Variants in CNR2 observed in about 807,000 individuals in gnomAD.
CNR2 encodes the protein cannabinoid receptor 2 (macrophage).
For synonymous variants in CNR2, 172 were observed against 182.2 expected (o/e 0.94, Z 0.45); for missense variants, 379 against 439.9 (o/e 0.86, Z 1.24).
intron 1 of CNR2, among the ~76,000 whole-genome samples, chr1:23,884,716 C>A (rs76135131): frequency 0.12 from 18,001 of 152,194 alleles, 1,363 homozygotes; most frequent in East Asian, 0.33. Flanking sequence ...GGCCACACGG[C>A]TGGTCGAGGT....
intron 1 of CNR2, among the ~76,000 whole-genome samples, chr1:23,904,477 C>T (rs1417249609): frequency 6.6e-6 from 1 of 152,102 alleles, no homozygotes. Flanking sequence ...CCTAGCTAAT[C>T]TTCATTTTTA....
chr1:23,885,119 G>C (rs1195750819), intron 1 of CNR2, among the ~76,000 whole-genome samples: 1 of 152,038 alleles, frequency 6.6e-6, no homozygotes, highest in Admixed American at 6.6e-5. Flanking sequence ...ATTAACTGAG[G>C]CTGGGTACAG....
intron 1 of CNR2, among the ~76,000 whole-genome samples, chr1:23,906,950 T>C (rs568881255): frequency 4.0e-5 from 6 of 151,690 alleles, no homozygotes; most frequent in Non-Finnish European, 8.8e-5. Flanking sequence ...TCTCTGTATA[T>C]GCCTTGCAGG....
At chr1:23,902,183 C>A (rs1466147934) in intron 1 of CNR2, 7 of 1,380,644 alleles carry the variant, frequency 5.1e-6, no homozygotes, top group Non-Finnish European at 7.2e-6. Flanking sequence ...CAGTTCAGGA[C>A]GGCCTTGAAG....
chr1:23,913,042 C>T (rs2501416), intron 1 of CNR2, among the ~76,000 whole-genome samples: 141,456 of 152,128 alleles, frequency 0.93, 66,581 homozygotes, highest in East Asian at 1. Context: ...TAGTGCACAC[C>T]TGTAATCCCA....
intron 1 of CNR2, among the ~76,000 whole-genome samples, chr1:23,883,396 TTC>T (rs1640027057): frequency 6.6e-6 from 1 of 152,210 alleles, no homozygotes; most frequent in South Asian, 2.1e-4. Context: ...TACAAGAATG[TTC>T]TCTTTGGCAT....
chr1:23,894,815 G>A lies in CNR2; in HGVS notation c.-46+18431C>T, dbSNP rs372450629. Among the ~76,000 whole-genome samples, 46 of 151,932 alleles carry A rather than the reference G, an allele frequency of 3.0e-4. No individual in the cohort carries two copies. The East Asian group carries it at 4.3e-3, about 14-fold the overall frequency. ...AAAAAGAAACTTGCTGGGGACATTGGGAATCCACTCTCTTGTCCATTTATT... is the reference window on the plus strand; with the variant it reads ...AAAAAGAAACTTGCTGGGGACATTGAGAATCCACTCTCTTGTCCATTTATT... On this transcript the variant is annotated intron_variant, in intron 1 of 1. Transcript: ENST00000374472.
intron 1 of CNR2, among the ~76,000 whole-genome samples, chr1:23,897,485 T>TTG (rs1640303901): frequency 6.6e-6 from 1 of 151,768 alleles, no homozygotes; most frequent in Non-Finnish European, 1.5e-5. Context: ...AATAGAATTT[T>TTG]TTTTTTTGAG....
At chr1:23,897,543 C>T (rs549478152) in intron 1 of CNR2, among the ~76,000 whole-genome samples, 5 of 150,894 alleles carry the variant, frequency 3.3e-5, no homozygotes, top group South Asian at 4.2e-4. Context: ...GGTGCGATCT[C>T]GGTTCAATGC....
intron 1 of CNR2, among the ~76,000 whole-genome samples, chr1:23,890,061 G>C (rs576224034): frequency 1.3e-5 from 2 of 151,774 alleles, no homozygotes; most frequent in Non-Finnish European, 2.9e-5. Context: ...TTTGAGCCCA[G>C]GAATAGCCTG....
chr1:23,902,847 C>G (rs942408842), intron 1 of CNR2: 1 of 1,225,486 alleles, frequency 8.2e-7, no homozygotes, highest in African/African-American at 1.6e-5. Context: ...CTGCCCACGG[C>G]GGCGCCGGCG....
chr1:23,875,567 C>T lies in CNR2; in HGVS notation c.51G>A (p.Leu17=), dbSNP rs201490624. 2 of 1,612,994 alleles carry T rather than the reference C, an allele frequency of 1.2e-6. No individual in the cohort carries two copies. The highest frequency in any genetic ancestry group is 1.7e-6 in the Non-Finnish European group (2 of 1,179,266). ...TEIANGSKDG[L]DSNPMKDYMI... is the part of the protein sequence containing the mutation. Reference sequence around the variant, plus strand: ...TGTAATCCTTCATAGGGTTGGAATCCAAGCCATCCTTGGAGCCATTGGCTA... The same window carrying T: ...TGTAATCCTTCATAGGGTTGGAATCTAAGCCATCCTTGGAGCCATTGGCTA... Residue 17 remains leucine, a synonymous_variant, in exon 2 of 2, where the codon TTG becomes TTA. Coordinates refer to ENST00000374472, the MANE Select transcript of CNR2 (RefSeq NM_001841.3).
intron 1 of CNR2, chr1:23,902,059 A>G (rs1490064543): frequency 6.9e-5 from 107 of 1,559,756 alleles, no homozygotes; most frequent in Non-Finnish European, 8.9e-5. Flanking sequence ...GCCGTTGGCA[A>G]ACTCCTCTAG....
rs377277068 is a variant in CNR2, at chr1:23,892,899, C to G, written c.-45-17237G>C. ...GGAGTAGTGGTGGGTGCCTGTAATC[C>G]CAGCTACTTGGGAGGCTGAGGCAGG... On this transcript the variant is annotated intron_variant, in intron 1 of 1. Coordinates refer to ENST00000374472, the MANE Select transcript of CNR2 (RefSeq NM_001841.3). 4.6e-5 allele frequency among the ~76,000 whole-genome samples: 7 copies of G among 152,112 alleles called. No homozygotes were observed. The East Asian group carries it at 1.2e-3, about 25-fold the overall frequency.
intron 1 of CNR2, among the ~76,000 whole-genome samples, chr1:23,881,904 T>G (rs971678670): frequency 6.6e-6 from 1 of 150,608 alleles, no homozygotes; most frequent in Non-Finnish European, 1.5e-5. Context: ...AAAAAAAAAA[T>G]TACTAACAAA....
chr1:23,893,113 G>A (rs572117744), intron 1 of CNR2, among the ~76,000 whole-genome samples: 52 of 152,282 alleles, frequency 3.4e-4, no homozygotes, highest in Non-Finnish European at 6.5e-4. Flanking sequence ...ATGTCTACGG[G>A]TTATCAAAGA....
chr1:23,904,182 T>G (rs1326339417), intron 1 of CNR2, among the ~76,000 whole-genome samples: 2 of 150,806 alleles, frequency 1.3e-5, no homozygotes, highest in South Asian at 2.1e-4. Flanking sequence ...TTCATTGTTT[T>G]TTTTTTTTTT....
intron 1 of CNR2, among the ~76,000 whole-genome samples, chr1:23,909,400 C>A (rs962433954): frequency 6.6e-6 from 1 of 152,110 alleles, no homozygotes; most frequent in Non-Finnish European, 1.5e-5. Context: ...AGCTGGGGAC[C>A]GAGAGCCTTG....
rs114133731 is a variant in CNR2, at chr1:23,872,273, T to G, written c.*2262A>C. ...AGAAGTTGAAAGAGTCAAGGAATAA[T>G]TCTCCCCTTAAACTTTTGGAGGGAG... On this transcript the variant is annotated 3_prime_UTR_variant, in exon 2 of 2. Transcript: ENST00000374472. The G allele has an allele frequency of 5.2e-4, 79 of 151,424 alleles. No individual in the cohort carries two copies. Among genetic ancestry groups the G allele is most frequent in the African/African-American group, 1.9e-3 (77 of 41,272 alleles). The allele number at this position is 151,424 out of a possible 1,614,324, so 9.4% of individuals were successfully genotyped here.
Sources: gnomAD v4.1 joint callset for allele counts (sites outside exome capture counted in the v4.1 genomes callset) on GRCh38, gnomAD v4.1.1 for gene constraint, MANE v1.5 for transcripts, NCBI Gene and HGNC (gene_info 2026-07-23, HGNC 2026-07-21) for gene names.